Variants in CD46 observed in about 807,000 individuals in gnomAD.
The protein encoded by CD46 is membrane cofactor protein.
Under a neutral mutation model 53.3 loss-of-function variants are expected in CD46, and 30 were observed. The ratio of observed to expected loss-of-function variants is 0.56; its 90% CI spans 0.42 to 0.76. The LOEUF is 0.76. CD46 is among the 30% of genes least tolerant of loss of function. The pLI is 0.00. For synonymous variants in CD46, 142 were observed against 152.0 expected, an observed-to-expected ratio of 0.93 and a Z score of 0.48; for missense variants, 409 against 463.0, an observed-to-expected ratio of 0.88 and a Z score of 1.07.
At chr1:207,767,246 C>G (rs372366355) in intron 6 of CD46, 51 bp downstream of exon 6, 79 of 1,454,646 alleles carry the variant, frequency 5.4e-5, no homozygotes, top group Admixed American at 1.0e-4. Flanking sequence ...TGTTGCTGTT[C>G]ATTTTAGACT....
chr1:207,768,246 G>A (rs1327949845), intron 7 of CD46: 4 of 185,298 alleles, frequency 2.2e-5, no homozygotes, highest in Non-Finnish European at 4.5e-5. Context: ...GTTCATGTAT[G>A]TTTGTTAGTA....
At chr1:207,784,818 G>A (rs989154180) in intron 9 of CD46, among the ~76,000 whole-genome samples, 3 of 152,182 alleles carry the variant, frequency 2.0e-5, no homozygotes, top group Admixed American at 2.0e-4. Context: ...GAAGGAGGAA[G>A]CCGCTTATAA....
chr1:207,780,465 T>TG (rs1241104887), intron 8 of CD46, among the ~76,000 whole-genome samples: 1 of 152,184 alleles, frequency 6.6e-6, no homozygotes, highest in Non-Finnish European at 1.5e-5. Context: ...ACACTTGGGT[T>TG]GGTTTGTTTT....
At chr1:207,790,709 T>C (rs958009301) in intron 12 of CD46, among the ~76,000 whole-genome samples, 11 of 152,180 alleles carry the variant, frequency 7.2e-5, no homozygotes, top group Admixed American at 7.2e-4. Context: ...AAAATGCCCT[T>C]TTATAGAAAC....
intron 8 of CD46, among the ~76,000 whole-genome samples, chr1:207,771,508 T>C (rs2796273): frequency 0.5 from 75,586 of 151,994 alleles, 19,686 homozygotes; most frequent in East Asian, 0.83. Flanking sequence ...TAGGTTTTCT[T>C]GTTGGGTTTT....
intron 1 of CD46, among the ~76,000 whole-genome samples, chr1:207,754,292 C>T (rs1655262033): frequency 1.3e-5 from 2 of 152,178 alleles, no homozygotes; most frequent in Admixed American, 6.5e-5. Context: ...GAACATTCTC[C>T]TCCTGACCTG....
chr1:207,767,953 G>A, intron 7 of CD46, 130 bp downstream of exon 7: 1 of 758,574 alleles, frequency 1.3e-6, no homozygotes, highest in South Asian at 1.5e-5. Context: ...CATTTGTATA[G>A]CCATTTTAGT....
chr1:207,781,600 T>TTGTATA (rs1215302570), intron 8 of CD46, among the ~76,000 whole-genome samples: 3 of 152,312 alleles, frequency 2.0e-5, no homozygotes, highest in Non-Finnish European at 4.4e-5. Flanking sequence ...GAGTTTGTGT[T>TTGTATA]TGTATATGAT....
chr1:207,772,132 G>T (rs1040330813), intron 8 of CD46, among the ~76,000 whole-genome samples: 1 of 152,076 alleles, frequency 6.6e-6, no homozygotes, highest in African/African-American at 2.4e-5. Flanking sequence ...TTGTAAGTTG[G>T]ATTCCTAGGT....
intron 8 of CD46, among the ~76,000 whole-genome samples, chr1:207,775,194 G>A (rs551390044): frequency 7.9e-5 from 12 of 152,120 alleles, no homozygotes; most frequent in South Asian, 2.1e-4. Flanking sequence ...TTGTGCATGC[G>A]TCACGAAGTT....
chr1:207,766,537 A>T (rs926586360), intron 5 of CD46, among the ~76,000 whole-genome samples: 1 of 152,184 alleles, frequency 6.6e-6, no homozygotes, highest in Admixed American at 6.5e-5. Flanking sequence ...TTGAAAAAAT[A>T]TTGGCCAAAA....
chr1:207,752,368 G>T lies in CD46; in HGVS notation c.97+59G>T. On this transcript the variant is annotated intron_variant, in intron 1 of 12. Coordinates refer to ENST00000367042, the MANE Select transcript of CD46 (RefSeq NM_172351.3). This position sits in a 1 kb window ranked among gnomAD's most constrained non-coding sequence, Gnocchi z 4.1. ...CGAGACTAGAGCTCTCCTCAGTCGG[G>T]CAAGAGTCGCGGGGCGGGGCTCACA... 1.3e-6 allele frequency: 2 copies of T among 1,513,566 alleles called. No homozygotes were observed. Among genetic ancestry groups the T allele is most frequent in the South Asian group, 1.1e-5 (1 of 89,092 alleles). The allele number at this position is 1,513,566 out of a possible 1,614,324, so 93.8% of individuals were successfully genotyped here.
intron 3 of CD46, among the ~76,000 whole-genome samples, chr1:207,759,310 C>A (rs541565357): frequency 1.3e-5 from 2 of 152,288 alleles, no homozygotes; most frequent in East Asian, 3.9e-4. Context: ...CTACACAGTC[C>A]TTGTCCTTAC....
rs17041782 is a variant in CD46 at position 207,764,549 on chromosome 1, T to C, written c.674-2464T>C. Among the ~76,000 whole-genome samples, 516 of 152,294 alleles carry C rather than the reference T, an allele frequency of 3.4e-3. 3 individuals are homozygous for C. Among genetic ancestry groups the C allele is most frequent in the African/African-American group, 0.012 (490 of 41,554 alleles). The stretch of plus-strand genomic sequence containing the variant: ...GCTTTATATTCTTTTGTGCATATGG[T>C]CATTCTTTAATATCAGTGATGTAAA... On this transcript the variant is annotated intron_variant, in intron 5 of 12. Coordinates refer to ENST00000367042, the MANE Select transcript of CD46 (RefSeq NM_172351.3).
intron 8 of CD46, among the ~76,000 whole-genome samples, chr1:207,779,913 C>CTTTTTTTTGTTTTTTTTTT (rs1658544957): frequency 1.6e-5 from 1 of 62,384 alleles, no homozygotes; most frequent in East Asian, 8.2e-4. Flanking sequence ...AAAAGCAAGT[C>CTTTTTTTTGTTTTTTTTTT]TTTTTTTTTT....
chr1:207,754,301 T>C (rs1378133652), intron 1 of CD46, among the ~76,000 whole-genome samples: 1 of 152,206 alleles, frequency 6.6e-6, no homozygotes, highest in Non-Finnish European at 1.5e-5. Context: ...CCTCCTGACC[T>C]GCTGCAGAAA....
rs201588826 is a variant in CD46, at chr1:207,767,587, A to T, written c.857-192A>T. On this transcript the variant is annotated intron_variant, in intron 6 of 12. Coordinates refer to ENST00000367042, the MANE Select transcript of CD46 (RefSeq NM_172351.3). ...ATAACTCCCAAGTGGTTGATCTTCT[A>T]ACATTATTTTGTTTCCTAGTGCTGC... 144 of 1,600,932 alleles carry T rather than the reference A, an allele frequency of 9.0e-5. No homozygotes were observed. Among genetic ancestry groups the T allele is most frequent in the Non-Finnish European group, 1.2e-4 (138 of 1,168,446 alleles).
At chr1:207,767,972 A>T (rs1430001551) in intron 7 of CD46, 149 bp downstream of exon 7, 10 of 669,592 alleles carry the variant, frequency 1.5e-5, no homozygotes, top group Middle Eastern at 4.0e-4. Flanking sequence ...GTTGTTATAC[A>T]TAGTGATTCT....
At chr1:207,778,098 GTGTC>G (rs1201812280) in intron 8 of CD46, among the ~76,000 whole-genome samples, 1 of 152,094 alleles carries the variant, frequency 6.6e-6, no homozygotes, top group African/African-American at 2.4e-5. Flanking sequence ...CTTTTGAAAA[GTGTC>G]TGTTCACGTG....
Sources: gnomAD v4.1 joint callset for allele counts (sites outside exome capture counted in the v4.1 genomes callset) on GRCh38, gnomAD v4.1.1 for gene constraint, Gnocchi (gnomAD v3.1) non-coding constraint, MANE v1.5 for transcripts, NCBI Gene and HGNC (gene_info 2026-07-23, HGNC 2026-07-21) for gene names.